The following FAM227A variants were observed in gnomAD, a reference collection of about 807,000 sequenced individuals.
FAM227A encodes family with sequence similarity 227 member A, also known as protein FAM227A.
A neutral mutation model predicts 74.7 loss-of-function variants in FAM227A; 80 were observed. That is an observed-to-expected ratio of 1.07 (90% CI 0.89 to 1.29). The LOEUF is 1.29. Ranked by LOEUF, FAM227A falls within the 50% of genes most tolerant of loss-of-function variation. FAM227A has a pLI of 0.00. For synonymous variants in FAM227A, 237 were observed against 241.8 expected (o/e 0.98, Z 0.19); for missense variants, 654 against 683.4 (o/e 0.96, Z 0.48).
At chr22:38,647,919 G>A (rs1215509571) in intron 2 of FAM227A, among the ~76,000 whole-genome samples, 1 of 152,204 alleles carries the variant, frequency 6.6e-6, no homozygotes, top group Non-Finnish European at 1.5e-5. Context: ...GCCCTGCAAA[G>A]TGAGACCCTG....
At chr22:38,635,591 C>A (rs567502863) in intron 6 of FAM227A, among the ~76,000 whole-genome samples, 1 of 152,166 alleles carries the variant, frequency 6.6e-6, no homozygotes, top group African/African-American at 2.4e-5. Flanking sequence ...TACTTCCTTG[C>A]TTTCTTCCCA....
In FAM227A at chr22:38,617,568, T is replaced by C. The variant is rs374754940; in HGVS notation, c.1038+2644A>G. 5.3e-5 allele frequency among the ~76,000 whole-genome samples: 8 copies of C among 152,332 alleles called. No individual in the cohort carries two copies. The East Asian group carries it at 1.5e-3, about 29-fold the overall frequency. On this transcript the variant is annotated intron_variant, in intron 11 of 16. Coordinates refer to ENST00000535113, the MANE Select transcript of FAM227A (RefSeq NM_001013647.2). The stretch of plus-strand genomic sequence containing the variant: ...CCTTGGACTCCCAAAGTGCTGGGAT[T>C]ACAGGCGTGAGCCTCCACACCCGGC...
intron 11 of FAM227A, chr22:38,618,388 A>C (rs893243606): frequency 6.6e-6 from 1 of 152,100 alleles, no homozygotes; most frequent in African/African-American, 2.4e-5. Flanking sequence ...TTTCTCCCAT[A>C]TATTTACCTT....
At chr22:38,636,402 T>C in intron 6 of FAM227A, 49 bp downstream of exon 6, 6 of 1,538,742 alleles carry the variant, frequency 3.9e-6, no homozygotes, top group Non-Finnish European at 5.3e-6. Context: ...GACAGCTGCA[T>C]TTGCCCCATG....
chr22:38,644,145 C>CAAAAA (rs950184744), intron 3 of FAM227A, among the ~76,000 whole-genome samples: 11 of 43,558 alleles, frequency 2.5e-4, no homozygotes, highest in African/African-American at 5.5e-4. Context: ...GACTCCATCT[C>CAAAAA]AAAAAAAAAA....
chr22:38,614,053 A>G (rs935371216), intron 11 of FAM227A, among the ~76,000 whole-genome samples: 1 of 152,120 alleles, frequency 6.6e-6, no homozygotes, highest in African/African-American at 2.4e-5. Flanking sequence ...TGTAGTAGAG[A>G]CAGGGTTTCA....
In FAM227A at chr22:38,632,091, G is replaced by GA. The variant is rs200364594; in HGVS notation, c.520-3157dup. Among the ~76,000 whole-genome samples the GA allele has an allele frequency of 9.6e-3, 1,466 of 152,228 alleles. 31 individuals carry two copies. The highest frequency in any genetic ancestry group is 0.034 in the African/African-American group (1,421 of 41,528). On this transcript the variant is annotated intron_variant, in intron 6 of 16. Transcript: ENST00000535113. ...GTTTTCAACAAGACGGCGAGCCCTG[G>GA]AGGAAAAGCAGAACGGATGGGTATG...
chr22:38,601,264 C>G (rs9619755), intron 13 of FAM227A, among the ~76,000 whole-genome samples: 67,807 of 151,702 alleles, frequency 0.45, 16,059 homozygotes, highest in African/African-American at 0.61. Flanking sequence ...GGTTCCATGG[C>G]GTGATCAGGG....
intron 6 of FAM227A, among the ~76,000 whole-genome samples, chr22:38,629,435 C>A (rs1469778245): frequency 6.6e-6 from 1 of 152,236 alleles, no homozygotes; most frequent in Non-Finnish European, 1.5e-5. Context: ...CCAAAGCTCC[C>A]ACTATAATAA....
At chr22:38,642,361 C>G (rs2092135655) in intron 3 of FAM227A, among the ~76,000 whole-genome samples, 1 of 152,088 alleles carries the variant, frequency 6.6e-6, no homozygotes, top group South Asian at 2.1e-4. Context: ...AAAACTCCAG[C>G]CATCACAAAA....
intron 11 of FAM227A, among the ~76,000 whole-genome samples, chr22:38,608,155 C>CAAA (rs35387385): frequency 7.6e-4 from 58 of 76,210 alleles, no homozygotes; most frequent in Middle Eastern, 6.8e-3. Context: ...CTTTTCTCTA[C>CAAA]AAAAAAAAAA....
chr22:38,592,527 T>C (rs926813392), intron 15 of FAM227A, among the ~76,000 whole-genome samples: 2 of 152,220 alleles, frequency 1.3e-5, no homozygotes, highest in Admixed American at 6.5e-5. Flanking sequence ...ATGCATTTCT[T>C]TGGACTCATC....
At chr22:38,655,207 C>A (rs1176395849) in intron 1 of FAM227A, among the ~76,000 whole-genome samples, 1 of 150,128 alleles carries the variant, frequency 6.7e-6, no homozygotes, top group Non-Finnish European at 1.5e-5. Flanking sequence ...ATAGATAGAA[C>A]AGCCAAGAGT....
At chr22:38,646,464 G>A (rs541867423) in intron 2 of FAM227A, among the ~76,000 whole-genome samples, 108 of 150,558 alleles carry the variant, frequency 7.2e-4, no homozygotes, top group African/African-American at 2.0e-3. Context: ...GGGTTTCACC[G>A]TTTTAGCTGG....
intron 11 of FAM227A, among the ~76,000 whole-genome samples, chr22:38,614,168 G>A (rs867060938): frequency 4.6e-5 from 7 of 152,146 alleles, no homozygotes; most frequent in Admixed American, 6.6e-5. Context: ...TGGGGAGCTG[G>A]GAAAGGGGGA....
rs2090801838 is a variant in FAM227A at position 38,586,131 on chromosome 22, C to T, written c.1707G>A (p.Lys569=). The T allele has an allele frequency of 2.6e-6, 4 of 1,551,984 alleles. No individual in the cohort carries two copies. Among genetic ancestry groups the T allele is most frequent in the African/African-American group, 1.4e-5 (1 of 73,184 alleles). The part of the protein sequence containing the change: ...EVEHFFPLTS[K]P ...TTCTAGGTTGTGGAGCTCCTCAGGG[C>T]TTGGAAGTGAGTGGAAAGAAATGTT... Residue 569 remains lysine, a synonymous_variant, in exon 17 of 17, where the codon AAG becomes AAA. Transcript: ENST00000535113.
rs770064564 is a variant in FAM227A, at chr22:38,620,211, C to T, written c.1038+1G>A. On this transcript the variant is annotated splice_donor_variant, in intron 11 of 16. Transcript: ENST00000535113. LOFTEE classifies it high-confidence loss of function. ...GTCCTGGTCCGTGCCTCCCCACTTA[C>T]CTGAGGGTGGTAGAATTTCCTGCTC... 5.2e-6 allele frequency: 8 copies of T among 1,550,434 alleles called. No homozygotes were observed. In the East Asian group the frequency reaches 7.3e-5, roughly 14 times the overall value.
intron 13 of FAM227A, among the ~76,000 whole-genome samples, chr22:38,600,643 T>C (rs1423385835): frequency 6.6e-6 from 1 of 151,780 alleles, no homozygotes; most frequent in Non-Finnish European, 1.5e-5. Context: ...CAGCCGATAG[T>C]GTTATATATT....
intron 1 of FAM227A, among the ~76,000 whole-genome samples, chr22:38,652,492 G>A (rs1326644821): frequency 6.6e-6 from 1 of 151,692 alleles, no homozygotes; most frequent in East Asian, 1.9e-4. Context: ...GGAGACAGAG[G>A]CAGGAGAATG....
Sources: allele counts gnomAD v4.1 joint callset (sites outside exome capture counted in the v4.1 genomes callset), GRCh38; gene constraint gnomAD v4.1.1; transcripts MANE v1.5; gene names NCBI Gene and HGNC (gene_info 2026-07-23, HGNC 2026-07-21).